The following ADGRL3 variants were observed in gnomAD, a reference collection of about 807,000 sequenced individuals.
ADGRL3 encodes the protein calcium-independent alpha-latrotoxin receptor 3.
In ADGRL3, 62 loss-of-function variants were observed where a neutral mutation model predicts 153.5. The observed-to-expected ratio is 0.40, with a 90% CI of 0.33 to 0.50. The LOEUF (loss-of-function observed/expected upper bound fraction) is 0.50. ADGRL3 is among the 20% of genes least tolerant of loss of function. The pLI is 0.47. For synonymous variants in ADGRL3, 710 were observed against 672.5 expected (o/e 1.06, Z -0.86); for missense variants, 1,641 against 1,859.4 (o/e 0.88, Z 2.16).
intron 6 of ADGRL3, among the ~76,000 whole-genome samples, chr4:61,682,008 A>G (rs11131341): frequency 0.35 from 53,626 of 151,710 alleles, 9,975 homozygotes; most frequent in East Asian, 0.52. Flanking sequence ...TGGCTTCTCC[A>G]AAAGTACTGC....
chr4:61,355,912 A>G (rs1301328468), intron 1 of ADGRL3, among the ~76,000 whole-genome samples: 2 of 152,078 alleles, frequency 1.3e-5, no homozygotes, highest in Non-Finnish European at 2.9e-5. Context: ...TGTAATCTTG[A>G]AGCTCTTAAT....
intron 9 of ADGRL3, among the ~76,000 whole-genome samples, chr4:61,835,284 C>CTA (rs1282117649): frequency 2.2e-5 from 3 of 139,138 alleles, no homozygotes; most frequent in Non-Finnish European, 4.5e-5. Flanking sequence ...CAGGCTACCA[C>CTA]TACCAGAAGT....
At chr4:61,769,824 A>G (rs2097060382) in intron 8 of ADGRL3, among the ~76,000 whole-genome samples, 3 of 151,986 alleles carry the variant, frequency 2.0e-5, no homozygotes, top group African/African-American at 7.3e-5. Context: ...ATGAGCCAGG[A>G]AAAGGACTTT....
chr4:61,472,532 T>C (rs1474958485), intron 2 of ADGRL3, among the ~76,000 whole-genome samples: 2 of 152,040 alleles, frequency 1.3e-5, no homozygotes, highest in Non-Finnish European at 2.9e-5. Flanking sequence ...ATGTCTAAGA[T>C]GGAAGCCTTA....
At chr4:61,386,448 T>G (rs1227603345) in intron 2 of ADGRL3, among the ~76,000 whole-genome samples, 1 of 152,126 alleles carries the variant, frequency 6.6e-6, no homozygotes, top group Non-Finnish European at 1.5e-5. Flanking sequence ...CACAGCAAAA[T>G]AAATAGTAAG....
chr4:61,423,770 G>A (rs1578773782), intron 2 of ADGRL3, among the ~76,000 whole-genome samples: 1 of 152,266 alleles, frequency 6.6e-6, no homozygotes, highest in East Asian at 1.9e-4. Flanking sequence ...AGTTGGAAAT[G>A]CATTGTTTTG....
chr4:61,307,457 G>T (rs1023830907), intron 1 of ADGRL3, among the ~76,000 whole-genome samples: 5 of 152,112 alleles, frequency 3.3e-5, no homozygotes, highest in African/African-American at 4.8e-5. Flanking sequence ...AGGCTGAATT[G>T]AAACCAGGGG....
intron 1 of ADGRL3, among the ~76,000 whole-genome samples, chr4:61,285,366 C>T (rs1367384132): frequency 6.6e-6 from 1 of 151,812 alleles, no homozygotes; most frequent in Non-Finnish European, 1.5e-5. Flanking sequence ...TCAACTACTT[C>T]AGTAATTTTC....
chr4:62,070,042 T>C, intron 26 of ADGRL3, 67 bp from the exon 27 acceptor site: 2 of 1,293,824 alleles, frequency 1.5e-6, no homozygotes, highest in African/African-American at 3.0e-5. Flanking sequence ...TTTTTGCTTC[T>C]GTGTTTGTGT....
chr4:61,975,540 T>A (rs1322862191), intron 17 of ADGRL3, among the ~76,000 whole-genome samples: 2 of 152,142 alleles, frequency 1.3e-5, no homozygotes, highest in Non-Finnish European at 2.9e-5. Context: ...TTATTTTCAT[T>A]GAGTGGGAGC....
intron 9 of ADGRL3, among the ~76,000 whole-genome samples, chr4:61,836,162 C>T (rs1207480595): frequency 6.6e-6 from 1 of 152,158 alleles, no homozygotes; most frequent in African/African-American, 2.4e-5. Context: ...AGAATTCACA[C>T]TTTCCAATTT....
intron 2 of ADGRL3, chr4:61,426,607 C>A (rs2097285342): frequency 6.6e-6 from 1 of 152,258 alleles, no homozygotes; most frequent in Non-Finnish European, 1.5e-5. Context: ...AATGCCAACA[C>A]TGGGGAGAGT....
At chr4:61,968,834 C>T (rs2099016257) in intron 17 of ADGRL3, among the ~76,000 whole-genome samples, 1 of 152,104 alleles carries the variant, frequency 6.6e-6, no homozygotes, top group African/African-American at 2.4e-5. Flanking sequence ...TTTACATTTG[C>T]ACAGTCTGTC....
At position 61,726,210 on chromosome 4, in the gene ADGRL3, G is replaced by GTTTTTTTGTTTTTTTTTTTTTTT. The variant is rs149472429; in HGVS notation, c.584-4406_584-4405insTGTTTTTTTTTTTTTTTTTTTTT. 5.6e-4 allele frequency among the ~76,000 whole-genome samples: 66 copies of GTTTTTTTGTTTTTTTTTTTTTTT among 118,526 alleles called. 5 individuals carry two copies. The highest frequency in any genetic ancestry group is 7.6e-4 in the Non-Finnish European group (44 of 58,142). 77.8% of individuals were successfully genotyped at this position (118,526 alleles called of 152,430 possible). A position where few individuals can be genotyped will look rare whatever the true frequency, so the allele number is the denominator to read the frequency against. Reference sequence around the variant, plus strand: ...AATACTCACTGGAACTTTTTTTTTTGTTTTTTGAGAAGGAGTCTCACCCTG... The same window carrying GTTTTTTTGTTTTTTTTTTTTTTT: ...AATACTCACTGGAACTTTTTTTTTTGTTTTTTTGTTTTTTTTTTTTTTTTTTTTTGAGAAGGAGTCTCACCCTG... On this transcript the variant is annotated intron_variant, in intron 6 of 26. Transcript: ENST00000683033.
chr4:61,745,183 C>A (rs76036706), intron 8 of ADGRL3, among the ~76,000 whole-genome samples: 4,081 of 149,876 alleles, frequency 0.027, 114 homozygotes, highest in East Asian at 0.077. Flanking sequence ...TAAAAAGAAA[C>A]AAACTCCAAG....
chr4:61,234,949 C>T (rs992523787), intron 1 of ADGRL3, among the ~76,000 whole-genome samples: 7 of 152,018 alleles, frequency 4.6e-5, no homozygotes, highest in Non-Finnish European at 7.4e-5. Flanking sequence ...ATATGAGATG[C>T]TTGAATGTGA....
At chr4:61,608,442 A>G (rs1180021578) in intron 5 of ADGRL3, among the ~76,000 whole-genome samples, 1 of 152,194 alleles carries the variant, frequency 6.6e-6, no homozygotes, top group Non-Finnish European at 1.5e-5. Flanking sequence ...TTAAAAACCA[A>G]ACAAAACCCC....
At chr4:61,438,158 A>G (rs966665222) in intron 2 of ADGRL3, among the ~76,000 whole-genome samples, 1 of 152,132 alleles carries the variant, frequency 6.6e-6, no homozygotes, top group African/African-American at 2.4e-5. Context: ...ACATGACAGA[A>G]CAAATGTGTC....
chr4:61,391,270 C>T (rs1157637402), intron 2 of ADGRL3, among the ~76,000 whole-genome samples: 2 of 152,100 alleles, frequency 1.3e-5, no homozygotes, highest in African/African-American at 4.8e-5. Flanking sequence ...CCCAGTGTAG[C>T]TCATGGCCAG....
Sources: allele counts gnomAD v4.1 joint callset (sites outside exome capture counted in the v4.1 genomes callset), GRCh38; gene constraint gnomAD v4.1.1; transcripts MANE v1.5; gene names NCBI Gene and HGNC (gene_info 2026-07-23, HGNC 2026-07-21).